The following AP5S1 variants were observed in gnomAD, a reference collection of about 807,000 sequenced individuals.
The protein encoded by AP5S1 is AP-5 complex subunit sigma-1.
Under a neutral mutation model 13.9 loss-of-function variants are expected in AP5S1, and 13 were observed. The observed-to-expected ratio is 0.94, with a 90% CI of 0.61 to 1.49. The LOEUF is 1.49. Ranked by LOEUF, AP5S1 falls within the 40% of genes most tolerant of loss-of-function variation. AP5S1 has a pLI of 0.00. For synonymous variants in AP5S1, 132 were observed against 121.8 expected (o/e 1.08, Z -0.55); for missense variants, 292 against 272.3 (o/e 1.07, Z -0.51).
In AP5S1 at chr20:3,822,146, T is replaced by C. The variant is rs2146729891; in HGVS notation, c.29T>C (p.Leu10Ser). ...GTCCACGCCTTCCTCATTCACACCT[T>C]GAGGGCCCCGAATACTGAGGACACG... MVHAFLIHT[L>S]RAPNTEDTGL... Residue 10 changes from leucine (L) to serine (S), a missense_variant, in exon 2 of 3, where the codon TTG (leucine) becomes TCG (serine). Transcript: ENST00000615891. The C allele has an allele frequency of 4.3e-6, 7 of 1,614,074 alleles. No individual in the cohort carries two copies. The highest frequency in any genetic ancestry group is 5.9e-6 in the Non-Finnish European group (7 of 1,180,012).
Position 3,824,660 on chromosome 20 carries a change from C to T in AP5S1, c.*363C>T, listed in dbSNP as rs547966425. The T allele has an allele frequency of 5.4e-4, 137 of 253,486 alleles. 1 individual carries two copies. The highest frequency in any genetic ancestry group is 4.1e-3 in the South Asian group (71 of 17,436). 15.7% of individuals were successfully genotyped at this position (253,486 alleles called of 1,614,324 possible). ...CCAAACCCACAGTCAAGGCCAGGCG[C>T]GGTGGCTCACGCCTGTAATCCCAGC... On this transcript the variant is annotated 3_prime_UTR_variant, in exon 3 of 3. Transcript: ENST00000615891.
In AP5S1 at chr20:3,824,319, C is replaced by T; in HGVS notation, c.*22C>T. 1.9e-6 allele frequency: 3 copies of T among 1,597,994 alleles called. No individual in the cohort carries two copies. Among genetic ancestry groups the T allele is most frequent in the Non-Finnish European group, 2.6e-6 (3 of 1,169,652 alleles). Reference sequence around the variant, plus strand: ...CTGATTCCTCGTTGGGATGGTGCTTCTGAGGGCAGGCAGAGGGTAGACACA... The same window carrying T: ...CTGATTCCTCGTTGGGATGGTGCTTTTGAGGGCAGGCAGAGGGTAGACACA... On this transcript the variant is annotated 3_prime_UTR_variant, in exon 3 of 3. Transcript: ENST00000615891.
chr20:3,823,821 GAC>G (rs750708717), intron 2 of AP5S1, 48 bp from the exon 3 acceptor site: 5 of 1,561,896 alleles, frequency 3.2e-6, no homozygotes, highest in Non-Finnish European at 3.5e-6. Context: ...TCATGAGGAT[GAC>G]AGAGTTGGTG....
chr20:3,822,435 C>G lies in AP5S1; in HGVS notation c.176+142C>G. On this transcript the variant is annotated intron_variant, in intron 2 of 2. Coordinates refer to ENST00000615891, the MANE Select transcript of AP5S1 (RefSeq NM_018347.3). ...AGAGTAGCATTTCCCAGAGAGTCTT[C>G]CACAGCTTTTCATAAGTGTTACGTG... 1.4e-5 allele frequency: 10 copies of G among 713,588 alleles called. No homozygotes were observed. The South Asian group carries it at 1.7e-4, about 12-fold the overall frequency. The allele number at this position is 713,588 out of a possible 1,614,324, so 44.2% of individuals were successfully genotyped here. A position where few individuals can be genotyped will look rare whatever the true frequency, so the allele number is the denominator to read the frequency against.
chr20:3,820,757 A>G lies in AP5S1; in HGVS notation c.-18A>G, dbSNP rs1463593607. 6.6e-6 allele frequency: 1 copy of G among 152,260 alleles called. No individual in the cohort carries two copies. The highest frequency in any genetic ancestry group is 2.4e-5 in the African/African-American group (1 of 41,466). The allele number at this position is 152,260 out of a possible 1,614,324, so 9.4% of individuals were successfully genotyped here. Reference sequence around the variant, plus strand: ...GCGCCTCAAGGTTACGGAGGCAGTGACGTAAGCTGTCTTGACCGCTACCAT... The same window carrying G: ...GCGCCTCAAGGTTACGGAGGCAGTGGCGTAAGCTGTCTTGACCGCTACCAT... On this transcript the variant is annotated splice_region_variant and 5_prime_UTR_variant, in exon 1 of 3. Transcript: ENST00000615891.
In AP5S1 at chr20:3,824,243, C is replaced by T. The variant is rs768558272; in HGVS notation, c.549C>T (p.Asn183=). Reference sequence around the variant, plus strand: ...CACATGGTCAGCTGCTTTTCCTCAACGACCAGTTTGTCCAAGGCCTGGAGA... The same window carrying T: ...CACATGGTCAGCTGCTTTTCCTCAATGACCAGTTTGTCCAAGGCCTGGAGA... ...FLPHGQLLFL[N]DQFVQGLEKE... The change falls in exon 3 of 3, where the codon AAC becomes AAT. Residue 183 remains asparagine (N), a synonymous_variant. Coordinates refer to ENST00000615891, the MANE Select transcript of AP5S1 (RefSeq NM_018347.3). 1.7e-5 allele frequency: 27 copies of T among 1,614,100 alleles called. 1 individual carries two copies. The highest frequency in any genetic ancestry group is 1.2e-4 in the African/African-American group (9 of 74,946).
In AP5S1 at chr20:3,824,334, G is replaced by A. The variant is rs755882417; in HGVS notation, c.*37G>A. On this transcript the variant is annotated 3_prime_UTR_variant, in exon 3 of 3. Transcript: ENST00000615891. ...GATGGTGCTTCTGAGGGCAGGCAGA[G>A]GGTAGACACACAGCCAGATGAAGCT... The A allele has an allele frequency of 1.9e-6, 3 of 1,574,850 alleles. No individual in the cohort carries two copies. Among genetic ancestry groups the A allele is most frequent in the African/African-American group, 1.3e-5 (1 of 74,388 alleles).
chr20:3,821,391 A>G (rs1258728785), intron 1 of AP5S1, among the ~76,000 whole-genome samples: 1 of 151,490 alleles, frequency 6.6e-6, no homozygotes, highest in African/African-American at 2.4e-5. Context: ...TTTTTTTTTG[A>G]GACAAGAGTT....
chr20:3,828,106 G>A lies in AP5S1; in HGVS notation c.*3809G>A, dbSNP rs1175130661. 6.6e-6 allele frequency: 1 copy of A among 152,110 alleles called. No individual in the cohort carries two copies. The highest frequency in any genetic ancestry group is 1.5e-5 in the Non-Finnish European group (1 of 68,030). 9.4% of individuals were successfully genotyped at this position (152,110 alleles called of 1,614,324 possible). ...AATTATTCCTATATTTTATTGTAAT[G>A]CAGTTAACCGTGTTTGTCAGATTCA... On this transcript the variant is annotated 3_prime_UTR_variant, in exon 3 of 3. Transcript: ENST00000615891.
In AP5S1 at chr20:3,821,503, C is replaced by T. The variant is rs2089580951; in HGVS notation, c.-16-599C>T. On this transcript the variant is annotated intron_variant, in intron 1 of 2. Coordinates refer to ENST00000615891, the MANE Select transcript of AP5S1 (RefSeq NM_018347.3). Reference sequence around the variant, plus strand: ...TCTGTGGCTTCAGCCTCTCAAGTAGCTGGGGTTACAACCATGCGCCACCAT... The same window carrying T: ...TCTGTGGCTTCAGCCTCTCAAGTAGTTGGGGTTACAACCATGCGCCACCAT... 2.0e-5 allele frequency among the ~76,000 whole-genome samples: 3 copies of T among 152,234 alleles called. No homozygotes were observed. In the South Asian group the frequency reaches 6.3e-4, roughly 32 times the overall value.
chr20:3,824,150 G>A lies in AP5S1; in HGVS notation c.456G>A (p.Leu152=), dbSNP rs904627138. The A allele has an allele frequency of 1.2e-6, 2 of 1,614,048 alleles. No homozygotes were observed. Among genetic ancestry groups the A allele is most frequent in the Admixed American group, 3.3e-5 (2 of 60,028 alleles). ...LTRLLLDHLR[L]LAPSTSLLLR... is the part of the protein sequence containing the mutation. ...GCCTCCTCCTTGACCACCTCCGGCT[G>A]CTGGCGCCCAGCACCAGCCTTCTGC... is the stretch of plus-strand genomic sequence containing the variant. The change falls in exon 3 of 3, where the codon CTG becomes CTA. Residue 152 remains leucine, a synonymous_variant. Transcript: ENST00000615891.
At position 3,828,820 on chromosome 20, in the gene AP5S1, A is replaced by T. The variant is rs184756026; in HGVS notation, c.*4523A>T. 1.1e-4 allele frequency: 16 copies of T among 152,370 alleles called. No individual in the cohort carries two copies. The highest frequency in any genetic ancestry group is 3.4e-4 in the African/African-American group (14 of 41,592). The allele number at this position is 152,370 out of a possible 1,614,324, so 9.4% of individuals were successfully genotyped here. ...TTGCTTCCAAGTTTTGGCAATTATG[A>T]ATACAACTGCTACAAACATTTGTGT... On this transcript the variant is annotated 3_prime_UTR_variant, in exon 3 of 3. Coordinates refer to ENST00000615891, the MANE Select transcript of AP5S1 (RefSeq NM_018347.3).
At chr20:3,823,793 T>C (rs2089601807) in intron 2 of AP5S1, 78 bp from the exon 3 acceptor site, 4 of 1,537,394 alleles carry the variant, frequency 2.6e-6, no homozygotes, top group Non-Finnish European at 3.5e-6. Context: ...TGATGGTAGC[T>C]CCCAGCACCA....
rs2089634979 is a variant in AP5S1, at chr20:3,828,082, A to G, written c.*3785A>G. 6.6e-6 allele frequency: 1 copy of G among 152,068 alleles called. No homozygotes were observed. Among genetic ancestry groups the G allele is most frequent in the Admixed American group, 6.6e-5 (1 of 15,250 alleles). 9.4% of individuals were successfully genotyped at this position (152,068 alleles called of 1,614,324 possible). A position where few individuals can be genotyped will look rare whatever the true frequency, so the allele number is the denominator to read the frequency against. On this transcript the variant is annotated 3_prime_UTR_variant, in exon 3 of 3. Coordinates refer to ENST00000615891, the MANE Select transcript of AP5S1 (RefSeq NM_018347.3). ...TGGCCTCAATCTTTTCTTTTAAACA[A>G]TTATTCCTATATTTTATTGTAATGC...
In AP5S1 at chr20:3,822,309, AG is replaced by A. The variant is rs767659875; in HGVS notation, c.176+17del. The A allele has an allele frequency of 1.4e-5, 22 of 1,611,516 alleles. No individual in the cohort carries two copies. The highest frequency in any genetic ancestry group is 1.9e-5 in the Non-Finnish European group (22 of 1,178,002). ...CTGTGGCCAGGTAACCACACAGCCCAGCCCCAGGCCTTCATTGAACACGTAC... is the reference window on the plus strand; with the variant it reads ...CTGTGGCCAGGTAACCACACAGCCCACCCCAGGCCTTCATTGAACACGTAC... On this transcript the variant is annotated intron_variant, in intron 2 of 2. Transcript: ENST00000615891.
Position 3,822,092 on chromosome 20 carries a change from T to C in AP5S1, c.-16-10T>C. 1 of 1,607,652 alleles carries C rather than the reference T, an allele frequency of 6.2e-7. No individual in the cohort carries two copies. The highest frequency in any genetic ancestry group is 1.3e-5 in the African/African-American group (1 of 74,934). ...CTCTCACCTTACCAATGTCTCTGGC[T>C]TCCCTGTAGCACCCACCCTGGAGCC... On this transcript the variant is annotated splice_polypyrimidine_tract_variant and intron_variant, in intron 1 of 2. Coordinates refer to ENST00000615891, the MANE Select transcript of AP5S1 (RefSeq NM_018347.3).
rs1437266517 is a variant in AP5S1 at position 3,824,247 on chromosome 20, C to A, written c.553C>A (p.Gln185Lys). 6.2e-7 allele frequency: 1 copy of A among 1,614,196 alleles called. No homozygotes were observed. Residue 185 changes from glutamine to lysine, a missense_variant, in exon 3 of 3, where the codon CAG becomes AAG. By Grantham distance (53) the Gln-to-Lys change is moderately conservative (BLOSUM62 1). Coordinates refer to ENST00000615891, the MANE Select transcript of AP5S1 (RefSeq NM_018347.3). The stretch of plus-strand genomic sequence containing the variant: ...TGGTCAGCTGCTTTTCCTCAACGAC[C>A]AGTTTGTCCAAGGCCTGGAGAAGGA... ...PHGQLLFLND[Q>K]FVQGLEKEFS...
At chr20:3,823,755 C>T in intron 2 of AP5S1, 116 bp from the exon 3 acceptor site, 1 of 1,513,236 alleles carries the variant, frequency 6.6e-7, no homozygotes, top group South Asian at 1.3e-5. Flanking sequence ...CTCTCTAGGC[C>T]TCAGTTTTCT....
rs2089637410 is a variant in AP5S1 at position 3,828,625 on chromosome 20, A to G, written c.*4328A>G. ...TTGTGTAGTTAGATTCATACTGTATATGTAGCCTTTTCAGATTGACTTCCT... is the reference window on the plus strand; with the variant it reads ...TTGTGTAGTTAGATTCATACTGTATGTGTAGCCTTTTCAGATTGACTTCCT... On this transcript the variant is annotated 3_prime_UTR_variant, in exon 3 of 3. Transcript: ENST00000615891. 1 of 152,186 alleles carries G rather than the reference A, an allele frequency of 6.6e-6. No individual in the cohort carries two copies. The highest frequency in any genetic ancestry group is 2.1e-4 in the South Asian group (1 of 4,832). The allele number at this position is 152,186 out of a possible 1,614,324, so 9.4% of individuals were successfully genotyped here.
Sources: allele counts gnomAD v4.1 joint callset (sites outside exome capture counted in the v4.1 genomes callset), GRCh38; gene constraint gnomAD v4.1.1; transcripts MANE v1.5; gene names NCBI Gene and HGNC (gene_info 2026-07-23, HGNC 2026-07-21).